CST11: variants seen among roughly 807,000 people sequenced by gnomAD.
The protein encoded by CST11 is cystatin-11.
In CST11, 13 loss-of-function variants were observed where a neutral mutation model predicts 14.0. The ratio of observed to expected loss-of-function variants is 0.93; its 90% CI spans 0.60 to 1.47. The LOEUF (loss-of-function observed/expected upper bound fraction) is 1.47. Ranked by LOEUF, CST11 falls within the 40% of genes most tolerant of loss-of-function variation. The probability of loss-of-function intolerance (pLI) is 0.00; values close to 1 mark genes in which losing one functional copy is unlikely to be tolerated. For missense variants in CST11, 181 were observed against 160.0 expected (o/e 1.13, Z -0.71); for synonymous variants, 64 against 57.8 (o/e 1.11, Z -0.48).
Position 23,452,722 on chromosome 20 carries a change from G to A in CST11, c.90C>T (p.Thr30=), listed in dbSNP as rs148800946. 9.7e-5 allele frequency: 157 copies of A among 1,614,172 alleles called. 1 individual carries two copies. In the African/African-American group the frequency reaches 1.9e-3, roughly 19 times the overall value. The change falls in exon 1 of 3, where the codon ACC becomes ACT. Residue 30 remains threonine, a synonymous_variant. Coordinates refer to ENST00000377009, the MANE Select transcript of CST11 (RefSeq NM_130794.2). ...CCATCACTTCATGGACGCTTAGAAA[G>A]GTTTTCTTCCTTGCTTGGTAGGGGA... is the stretch of plus-strand genomic sequence containing the variant. ...MALPYQARKK[T]FLSVHEVMAV...
chr20:23,452,512 T>C (rs1987120296), intron 1 of CST11, 72 bp downstream of exon 1: 1 of 924,926 alleles, frequency 1.1e-6, no homozygotes, highest in Non-Finnish European at 1.8e-6. Context: ...TGAGTGGGAC[T>C]ATTCCTGACA....
Position 23,452,822 on chromosome 20 carries a change from C to T in CST11, c.-11G>A, listed in dbSNP as rs542696568. The T allele has an allele frequency of 4.4e-6, 7 of 1,602,148 alleles. No homozygotes were observed. Among genetic ancestry groups the T allele is most frequent in the Non-Finnish European group, 5.1e-6 (6 of 1,170,416 alleles). On this transcript the variant is annotated 5_prime_UTR_variant, in exon 1 of 3. Transcript: ENST00000377009. ...GGGCTCAGCCATCATCCTTCAGCTG[C>T]AGAGGAACAGGAAGAGTGTTCTCTG...
intron 2 of CST11, 114 bp downstream of exon 2, chr20:23,451,702 T>C (rs1987095020): frequency 1.3e-6 from 1 of 751,388 alleles, no homozygotes; most frequent in Non-Finnish European, 2.2e-6. Flanking sequence ...CCATGCATTC[T>C]TTTCAAGCCA....
rs576847119 is a variant in CST11, at chr20:23,451,936, G to T, written c.229-16C>A. ...GGTCAGTGACCTGTGGGCGCCAGGC[G>T]TGGGGGAGGCACAGCTTGTCCCCTT... On this transcript the variant is annotated splice_polypyrimidine_tract_variant and intron_variant, in intron 1 of 2. Transcript: ENST00000377009. 1.3e-5 allele frequency: 20 copies of T among 1,590,680 alleles called. No homozygotes were observed. The highest frequency in any genetic ancestry group is 1.7e-5 in the Admixed American group (1 of 59,932).
At chr20:23,450,915 C>T (rs1208732963) in intron 2 of CST11, among the ~76,000 whole-genome samples, 1 of 152,144 alleles carries the variant, frequency 6.6e-6, no homozygotes, top group Non-Finnish European at 1.5e-5. Flanking sequence ...TATTTGTCCT[C>T]TCTTGGCTCC....
intron 2 of CST11, 90 bp from the exon 3 acceptor site, chr20:23,450,679 A>G: frequency 1.2e-6 from 1 of 864,892 alleles, no homozygotes; most frequent in Non-Finnish European, 1.8e-6. Context: ...AAGATGGAGA[A>G]AAGGCTACCA....
chr20:23,450,480 G>C lies in CST11; in HGVS notation c.*26C>G, dbSNP rs758241871. The stretch of plus-strand genomic sequence containing the variant: ...ATTGCAGGATTCTCTCACATGCAGT[G>C]GCCGCAGTTGTACACTCCAGGACAC... On this transcript the variant is annotated 3_prime_UTR_variant, in exon 3 of 3. Transcript: ENST00000377009. 4 of 1,509,678 alleles carry C rather than the reference G, an allele frequency of 2.6e-6. No homozygotes were observed. The Admixed American group carries it at 5.4e-5, about 20-fold the overall frequency. 93.5% of individuals were successfully genotyped at this position (1,509,678 alleles called of 1,614,324 possible).
rs377333263 is a variant in CST11 at position 23,450,977 on chromosome 20, T to TACCCATATGTCCATCCATCC, written c.334-408_334-389dup. On this transcript the variant is annotated intron_variant, in intron 2 of 2. Transcript: ENST00000377009. Reference sequence around the variant, plus strand: ...CCATCTATTTATCCCTCCATTCATCTACCCATATGTCCATCCATCCATTTG... The same window carrying TACCCATATGTCCATCCATCC: ...CCATCTATTTATCCCTCCATTCATCTACCCATATGTCCATCCATCCACCCATATGTCCATCCATCCATTTG... 4.0e-3 allele frequency among the ~76,000 whole-genome samples: 602 copies of TACCCATATGTCCATCCATCC among 152,266 alleles called. 4 individuals carry two copies. The highest frequency in any genetic ancestry group is 0.014 in the African/African-American group (585 of 41,552).
Position 23,451,691 on chromosome 20 carries a change from C to T in CST11, c.333+125G>A, listed in dbSNP as rs949060934. ...TCCCTCTCTGAGGAAGGAGGTGTTA[C>T]CCATGCATTCTTTTCAAGCCAGCTT... On this transcript the variant is annotated intron_variant, in intron 2 of 2. Coordinates refer to ENST00000377009, the MANE Select transcript of CST11 (RefSeq NM_130794.2). 1.7e-4 allele frequency: 108 copies of T among 644,730 alleles called. 2 individuals carry two copies. Among genetic ancestry groups the T allele is most frequent in the South Asian group, 1.2e-3 (64 of 52,792 alleles). The allele number at this position is 644,730 out of a possible 1,614,324, so 39.9% of individuals were successfully genotyped here.
chr20:23,452,626 C>T lies in CST11; in HGVS notation c.186G>A (p.Lys62=), dbSNP rs769596367. 54 of 1,613,890 alleles carry T rather than the reference C, an allele frequency of 3.3e-5. No homozygotes were observed. The Admixed American group carries it at 3.8e-4, about 11-fold the overall frequency. The change falls in exon 1 of 3, where the codon AAG becomes AAA. Residue 62 remains lysine, a synonymous_variant. Coordinates refer to ENST00000377009, the MANE Select transcript of CST11 (RefSeq NM_130794.2). ...TDQYNKESDD[K]YHFRIFRVLK... ...GGACTCGGAAGATCCTGAAGTGGTA[C>T]TTGTCATCACTTTCCTTGTTATACT...
chr20:23,450,449 T>C lies in CST11; in HGVS notation c.*57A>G. 1 of 1,071,644 alleles carries C rather than the reference T, an allele frequency of 9.3e-7. No individual in the cohort carries two copies. The highest frequency in any genetic ancestry group is 2.1e-5 in the Admixed American group (1 of 47,944). The allele number at this position is 1,071,644 out of a possible 1,614,324, so 66.4% of individuals were successfully genotyped here. A position where few individuals can be genotyped will look rare whatever the true frequency, so the allele number is the denominator to read the frequency against. On this transcript the variant is annotated 3_prime_UTR_variant, in exon 3 of 3. Transcript: ENST00000377009. Reference sequence around the variant, plus strand: ...CATTTATTGCCTATATTAAGGATTATTGCCCATTGCAGGATTCTCTCACAT... The same window carrying C: ...CATTTATTGCCTATATTAAGGATTACTGCCCATTGCAGGATTCTCTCACAT...
intron 2 of CST11, among the ~76,000 whole-genome samples, chr20:23,451,292 G>C (rs1987079812): frequency 7.4e-6 from 1 of 135,446 alleles, no homozygotes; most frequent in African/African-American, 3.5e-5. Context: ...TGCCTTCGGG[G>C]GTGGTGGCTT....
Position 23,452,861 on chromosome 20 carries a change from C to G in CST11, c.-50G>C. ...GAGTGTTCTCTGTACTCCTCAGGGACAAGTCGAATCACACTGACCCTACCT... is the reference window on the plus strand; with the variant it reads ...GAGTGTTCTCTGTACTCCTCAGGGAGAAGTCGAATCACACTGACCCTACCT... On this transcript the variant is annotated 5_prime_UTR_variant, in exon 1 of 3. Coordinates refer to ENST00000377009, the MANE Select transcript of CST11 (RefSeq NM_130794.2). 1.4e-6 allele frequency: 2 copies of G among 1,437,614 alleles called. No homozygotes were observed. Among genetic ancestry groups the G allele is most frequent in the Non-Finnish European group, 1.9e-6 (2 of 1,038,412 alleles). The allele number at this position is 1,437,614 out of a possible 1,614,324, so 89.1% of individuals were successfully genotyped here.
At chr20:23,450,670 A>G in intron 2 of CST11, 81 bp from the exon 3 acceptor site, 3 of 1,036,360 alleles carry the variant, frequency 2.9e-6, no homozygotes, top group Non-Finnish European at 4.2e-6. Flanking sequence ...TAAGACACGA[A>G]GATGGAGAAA....
At chr20:23,451,204 T>G (rs1987077783) in intron 2 of CST11, among the ~76,000 whole-genome samples, 1 of 152,238 alleles carries the variant, frequency 6.6e-6, no homozygotes, top group Non-Finnish European at 1.5e-5. Context: ...GCTTCATTTC[T>G]TCATCCATCT....
intron 2 of CST11, among the ~76,000 whole-genome samples, chr20:23,451,014 A>G (rs1987072591): frequency 6.6e-6 from 1 of 151,718 alleles, no homozygotes; most frequent in South Asian, 2.1e-4. Flanking sequence ...CCATCCATTT[A>G]TCCTTCAGTC....
chr20:23,451,902 A>C lies in CST11; in HGVS notation c.247T>G (p.Tyr83Asp). 1 of 1,613,576 alleles carries C rather than the reference A, an allele frequency of 6.2e-7. No homozygotes were observed. Among genetic ancestry groups the C allele is most frequent in the Non-Finnish European group, 8.5e-7 (1 of 1,179,706 alleles). The change falls in exon 2 of 3, where the codon TAT (tyrosine) becomes GAT (aspartate). Residue 83 changes from tyrosine to aspartate, a missense_variant. By Grantham distance (160) the Tyr-to-Asp change is radical. Transcript: ENST00000377009. ...CACTGCATTTCCACATTCAGGTGATACTCCAGGTGGTCAGTGACCTGTGGG... is the reference window on the plus strand; with the variant it reads ...CACTGCATTTCCACATTCAGGTGATCCTCCAGGTGGTCAGTGACCTGTGGG... ...VQRQVTDHLE[Y>D]HLNVEMQWTT...
chr20:23,452,376 T>G (rs1987117714), intron 1 of CST11, among the ~76,000 whole-genome samples: 1 of 152,194 alleles, frequency 6.6e-6, no homozygotes, highest in Non-Finnish European at 1.5e-5. Flanking sequence ...GTTTTGGCCC[T>G]TGGGATGTAA....
rs148800946 is a variant in CST11 at position 23,452,722 on chromosome 20, G to T, written c.90C>A (p.Thr30=). Residue 30 remains threonine, a synonymous_variant, in exon 1 of 3, where the codon ACC becomes ACA. Coordinates refer to ENST00000377009, the MANE Select transcript of CST11 (RefSeq NM_130794.2). The part of the protein sequence containing the change: ...MALPYQARKK[T]FLSVHEVMAV... ...CCATCACTTCATGGACGCTTAGAAA[G>T]GTTTTCTTCCTTGCTTGGTAGGGGA... is the stretch of plus-strand genomic sequence containing the variant. 6.2e-7 allele frequency: 1 copy of T among 1,614,172 alleles called. No individual in the cohort carries two copies. The highest frequency in any genetic ancestry group is 8.5e-7 in the Non-Finnish European group (1 of 1,180,014).
Sources: allele counts gnomAD v4.1 joint callset (sites outside exome capture counted in the v4.1 genomes callset), GRCh38; gene constraint gnomAD v4.1.1; transcripts MANE v1.5; gene names NCBI Gene and HGNC (gene_info 2026-07-23, HGNC 2026-07-21).